The following STX8 variants were observed in gnomAD, a reference collection of about 807,000 sequenced individuals.
STX8 encodes the protein syntaxin-8.
STX8 carries 23 observed loss-of-function variants against 37.5 expected under a neutral mutation model. That is an observed-to-expected ratio of 0.61 (90% CI 0.44 to 0.87). STX8 has a LOEUF of 0.87. STX8 is among the 40% of genes least tolerant of loss of function. The pLI is 0.00. For synonymous variants in STX8, 115 were observed against 99.1 expected, an observed-to-expected ratio of 1.16 and a Z score of -0.95; for missense variants, 313 against 284.7, an observed-to-expected ratio of 1.10 and a Z score of -0.71.
chr17:9,432,866 G>A (rs753187250), intron 6 of STX8, among the ~76,000 whole-genome samples: 2 of 152,136 alleles, frequency 1.3e-5, no homozygotes, highest in African/African-American at 2.4e-5. Flanking sequence ...AAAGGTTTAC[G>A]TACTGGAATA....
intron 7 of STX8, among the ~76,000 whole-genome samples, chr17:9,285,983 A>G (rs1441237605): frequency 6.6e-6 from 1 of 152,196 alleles, no homozygotes; most frequent in Non-Finnish European, 1.5e-5. Context: ...ACACTTGCCA[A>G]TAACTATATG....
chr17:9,275,394 T>C (rs1002616422), intron 7 of STX8, among the ~76,000 whole-genome samples: 1 of 152,212 alleles, frequency 6.6e-6, no homozygotes, highest in African/African-American at 2.4e-5. Context: ...TGTCTCTCCT[T>C]TAGTGCCTTC....
At chr17:9,490,606 C>A (rs1481128378) in intron 6 of STX8, among the ~76,000 whole-genome samples, 1 of 152,074 alleles carries the variant, frequency 6.6e-6, no homozygotes, top group Non-Finnish European at 1.5e-5. Context: ...ACCTTGTAAT[C>A]CGCCTGCCTC....
intron 7 of STX8, among the ~76,000 whole-genome samples, chr17:9,377,409 T>C (rs1911636419): frequency 1.3e-5 from 2 of 152,052 alleles, no homozygotes; most frequent in Admixed American, 6.6e-5. Flanking sequence ...CAAGTGATTC[T>C]CCTGTCTCAG....
chr17:9,467,778 G>A (rs1478997994), intron 6 of STX8, among the ~76,000 whole-genome samples: 1 of 152,196 alleles, frequency 6.6e-6, no homozygotes, highest in Admixed American at 6.5e-5. Context: ...GGGGACCAAG[G>A]TTGCCTGCTC....
intron 7 of STX8, among the ~76,000 whole-genome samples, chr17:9,308,718 C>T (rs893891541): frequency 3.4e-5 from 4 of 116,208 alleles, no homozygotes; most frequent in East Asian, 2.4e-4. Flanking sequence ...AGTGAAACTC[C>T]GTCAAAAAAA....
chr17:9,570,470 A>C (rs1035171472), intron 1 of STX8, among the ~76,000 whole-genome samples: 4 of 152,064 alleles, frequency 2.6e-5, no homozygotes, highest in African/African-American at 9.7e-5. Context: ...ATATTCATAT[A>C]TATCACATAC....
chr17:9,549,952 G>A (rs1052330616), intron 3 of STX8, among the ~76,000 whole-genome samples: 12 of 152,150 alleles, frequency 7.9e-5, no homozygotes, highest in Non-Finnish European at 2.9e-5. Flanking sequence ...GGCCAAGCGC[G>A]GTGGCTCAAG....
At chr17:9,403,640 CT>C (rs58822740) in intron 6 of STX8, among the ~76,000 whole-genome samples, 12,210 of 147,340 alleles carry the variant, frequency 0.083, 749 homozygotes, top group East Asian at 0.32. Flanking sequence ...TTGAACATCA[CT>C]TTTTTTTTTT....
chr17:9,349,297 G>A (rs1280488386), intron 7 of STX8, among the ~76,000 whole-genome samples: 3 of 147,960 alleles, frequency 2.0e-5, no homozygotes, highest in African/African-American at 7.5e-5. Context: ...GCACCCGGCC[G>A]ATAAATTTAT....
chr17:9,419,120 TCTCA>T (rs957945146), intron 6 of STX8, among the ~76,000 whole-genome samples: 1 of 151,532 alleles, frequency 6.6e-6, no homozygotes, highest in Non-Finnish European at 1.5e-5. Context: ...GAAATAGGGG[TCTCA>T]CTATGTTGTT....
At chr17:9,300,058 G>A (rs1267747729) in intron 7 of STX8, among the ~76,000 whole-genome samples, 1 of 152,076 alleles carries the variant, frequency 6.6e-6, no homozygotes, top group South Asian at 2.1e-4. Flanking sequence ...TAGGCAGGGT[G>A]CGGTGGCTCA....
intron 4 of STX8, among the ~76,000 whole-genome samples, chr17:9,539,757 C>G (rs1906202533): frequency 6.6e-6 from 1 of 151,936 alleles, no homozygotes. Context: ...TTGGAGGAGC[C>G]TAGAACTAGG....
chr17:9,349,701 A>G (rs994990014), intron 7 of STX8, among the ~76,000 whole-genome samples: 1 of 152,146 alleles, frequency 6.6e-6, no homozygotes, highest in East Asian at 1.9e-4. Context: ...TTATAACAAT[A>G]TACCGTAATA....
chr17:9,304,397 A>G (rs1908885451), intron 7 of STX8, among the ~76,000 whole-genome samples: 1 of 151,090 alleles, frequency 6.6e-6, no homozygotes, highest in Non-Finnish European at 1.5e-5. Flanking sequence ...GTGGTGGCGC[A>G]TGCCTGTAAT....
chr17:9,325,694 A>G (rs567081238), intron 7 of STX8, among the ~76,000 whole-genome samples: 50 of 152,372 alleles, frequency 3.3e-4, no homozygotes, highest in South Asian at 1.7e-3. Flanking sequence ...AATACTTCCC[A>G]GTAGACTGGA....
chr17:9,571,873 CCACTG>C (rs1231322081), intron 1 of STX8, among the ~76,000 whole-genome samples: 1 of 151,626 alleles, frequency 6.6e-6, no homozygotes, highest in Non-Finnish European at 1.5e-5. Flanking sequence ...CAAGATCATG[CCACTG>C]CACTCCAGCC....
intron 7 of STX8, among the ~76,000 whole-genome samples, chr17:9,339,070 C>CAAAAAAAAAAAAAAAAAAA (rs34987749): frequency 3.9e-4 from 27 of 70,018 alleles, no homozygotes; most frequent in African/African-American, 1.5e-3. Context: ...GACTCCGTCT[C>CAAAAAAAAAAAAAAAAAAA]AAAAAAAAAA....
chr17:9,297,286 C>G (rs1908597188), intron 7 of STX8, among the ~76,000 whole-genome samples: 2 of 151,560 alleles, frequency 1.3e-5, no homozygotes, highest in Admixed American at 1.3e-4. Flanking sequence ...GAATCCTGCT[C>G]CTAATGTGGT....
Sources: gnomAD v4.1 joint callset for allele counts (sites outside exome capture counted in the v4.1 genomes callset) on GRCh38, gnomAD v4.1.1 for gene constraint, MANE v1.5 for transcripts, NCBI Gene and HGNC (gene_info 2026-07-23, HGNC 2026-07-21) for gene names.